The following PES1 variants were observed in gnomAD, a reference collection of about 807,000 sequenced individuals.
PES1 encodes pescadillo homolog.
In PES1, 31 loss-of-function variants were observed where a neutral mutation model predicts 77.1. The observed-to-expected ratio is 0.40, with a 90% CI of 0.30 to 0.54. The LOEUF (loss-of-function observed/expected upper bound fraction) is 0.54. Ranked by LOEUF, PES1 falls within the 20% of genes least tolerant of loss-of-function variation. The pLI is 0.45. For missense variants in PES1, 658 were observed against 771.7 expected (o/e 0.85, Z 1.75); for synonymous variants, 282 against 303.0 (o/e 0.93, Z 0.72).
intron 2 of PES1, chr22:30,598,439 A>T (rs966748708): frequency 6.6e-6 from 1 of 151,150 alleles, no homozygotes; most frequent in African/African-American, 2.4e-5. Context: ...AAAACCCGTA[A>T]AAAAAAAAAT....
In PES1 at chr22:30,580,698, T is replaced by A; in HGVS notation, c.916A>T (p.Met306Leu). The change falls in exon 10 of 15, where the codon ATG becomes TTG. Residue 306 changes from methionine to leucine, a missense_variant. Transcript: ENST00000354694. ...EVDEFPTDGE[M>L]SAQEEDRRKE... is the part of the protein sequence containing the mutation. The stretch of plus-strand genomic sequence containing the variant: ...CTGCGGTCTTCCTCCTGCGCTGACA[T>A]CTCCTGTTGAGAAAGGGGCCAGGCC... 6.2e-7 allele frequency: 1 copy of A among 1,613,078 alleles called. No homozygotes were observed. The highest frequency in any genetic ancestry group is 1.6e-4 in the Middle Eastern group (1 of 6,062).
At chr22:30,599,831 C>G (rs1480734546) in intron 2 of PES1, among the ~76,000 whole-genome samples, 1 of 152,048 alleles carries the variant, frequency 6.6e-6, no homozygotes, top group Non-Finnish European at 1.5e-5. Context: ...ACCTGGCAGG[C>G]AGAGGTTGCG....
chr22:30,606,977 C>G, exon 1 of PES1: 2 of 752,522 alleles, frequency 2.7e-6, no homozygotes, highest in Non-Finnish European at 3.6e-6. Flanking sequence ...CTTGACAGAT[C>G]AGGCATCAGG....
At chr22:30,577,553 C>T in intron 14 of PES1, among the ~76,000 whole-genome samples, 1 of 152,176 alleles carries the variant, frequency 6.6e-6, no homozygotes, top group East Asian at 1.9e-4. Flanking sequence ...CAGCCTGGAG[C>T]ACAGTGGCAC....
chr22:30,584,226 C>T (rs1252723428), intron 6 of PES1, 139 bp downstream of exon 6: 1 of 679,972 alleles, frequency 1.5e-6, no homozygotes, highest in Admixed American at 2.3e-5. Flanking sequence ...GTGGCACATT[C>T]TGCCGCGCCT....
intron 11 of PES1, 27 bp downstream of exon 11, chr22:30,580,026 T>C: frequency 6.2e-7 from 1 of 1,612,334 alleles, no homozygotes; most frequent in Non-Finnish European, 8.5e-7. Flanking sequence ...TACCCAGAAA[T>C]CCGGACGAGG....
chr22:30,585,263 C>T (rs923537567), intron 4 of PES1: 3 of 471,124 alleles, frequency 6.4e-6, no homozygotes, highest in Non-Finnish European at 1.3e-5. Flanking sequence ...CCAATGAGAC[C>T]CAGGGAATTG....
In PES1 at chr22:30,580,101, G is replaced by T; in HGVS notation, c.1121C>A (p.Thr374Asn). ...ATYDVTDSRI[T>N]HQIVDRPGQQ... ...CCCAGGCCGGTCGACAATCTGATGGGTGATGCGGGAGTCTGTGACGTCATA... is the reference window on the plus strand; with the variant it reads ...CCCAGGCCGGTCGACAATCTGATGGTTGATGCGGGAGTCTGTGACGTCATA... Residue 374 changes from threonine to asparagine, a missense_variant, in exon 11 of 15, where the codon ACC becomes AAC. By Grantham distance (65) the Thr-to-Asn change is moderately conservative. Transcript: ENST00000354694. 1 of 1,614,158 alleles carries T rather than the reference G, an allele frequency of 6.2e-7. No homozygotes were observed. Among genetic ancestry groups the T allele is most frequent in the Non-Finnish European group, 8.5e-7 (1 of 1,180,016 alleles).
intron 2 of PES1, among the ~76,000 whole-genome samples, chr22:30,601,278 T>TTATC (rs534123113): frequency 3.3e-4 from 50 of 152,192 alleles, no homozygotes; most frequent in Non-Finnish European, 6.5e-4. Context: ...CACATCCTCT[T>TTATC]TATCTCTCTT....
Position 30,579,788 on chromosome 22 carries a change from C to G in PES1, c.1317G>C (p.Lys439Asn). Residue 439 changes from lysine (K) to asparagine (N), a missense_variant, in exon 12 of 15, where the codon AAG (lysine) becomes AAC (asparagine). By Grantham distance (94) the Lys-to-Asn change is moderately conservative. Transcript: ENST00000354694. ...CCCGCTGCAGAGCCAGCAGCTTCAGCTTCTCAGGTGGAACGTAATCTCCTT... is the reference window on the plus strand; with the variant it reads ...CCCGCTGCAGAGCCAGCAGCTTCAGGTTCTCAGGTGGAACGTAATCTCCTT... ...EKEGDYVPPE[K>N]LKLLALQRGE... 1.2e-6 allele frequency: 2 copies of G among 1,614,000 alleles called. No homozygotes were observed. Among genetic ancestry groups the G allele is most frequent in the Non-Finnish European group, 1.7e-6 (2 of 1,180,030 alleles).
rs372239593 is a variant in PES1, at chr22:30,578,731, G to C, written c.1683+106C>G. 9 of 1,307,378 alleles carry C rather than the reference G, an allele frequency of 6.9e-6. No homozygotes were observed. The South Asian group carries it at 9.4e-5, about 14-fold the overall frequency. The allele number at this position is 1,307,378 out of a possible 1,614,324, so 81.0% of individuals were successfully genotyped here. A position where few individuals can be genotyped will look rare whatever the true frequency, so the allele number is the denominator to read the frequency against. ...GGCAGGCAACCTCAGGAAAAGGCTA[G>C]GAGAGCCTCAGTCTGCCTAGAGGAG... On this transcript the variant is annotated intron_variant, in intron 14 of 14. Transcript: ENST00000354694.
At chr22:30,589,104 T>C in intron 2 of PES1, 87 bp downstream of exon 2, 1 of 925,098 alleles carries the variant, frequency 1.1e-6, no homozygotes, top group Non-Finnish European at 1.7e-6. Flanking sequence ...CCAGAATGGG[T>C]ATGGCAACTC....
Position 30,582,418 on chromosome 22 carries a change from C to T in PES1, c.631-774G>A, listed in dbSNP as rs566000688. Among the ~76,000 whole-genome samples, 83 of 152,276 alleles carry T rather than the reference C, an allele frequency of 5.5e-4. No individual in the cohort carries two copies. The South Asian group carries it at 0.016, about 30-fold the overall frequency. ...CCAGCAGACAAAACTACTTTTTGCTCAGGGAAAAGGCACAGAGCTGTCATC... is the reference window on the plus strand; with the variant it reads ...CCAGCAGACAAAACTACTTTTTGCTTAGGGAAAAGGCACAGAGCTGTCATC... On this transcript the variant is annotated intron_variant, in intron 6 of 14. Coordinates refer to ENST00000354694, the MANE Select transcript of PES1 (RefSeq NM_014303.4).
chr22:30,588,065 A>G lies in PES1; in HGVS notation c.214T>C (p.Phe72Leu). 2 of 1,614,032 alleles carry G rather than the reference A, an allele frequency of 1.2e-6. No homozygotes were observed. Among genetic ancestry groups the G allele is most frequent in the Non-Finnish European group, 1.7e-6 (2 of 1,180,016 alleles). Residue 72 changes from phenylalanine (F) to leucine (L), a missense_variant, in exon 3 of 15, where the codon TTT becomes CTT. Phe to Leu is a conservative substitution (Grantham distance 22, BLOSUM62 0). Transcript: ENST00000354694. ...TTGACAATGGGTTCGTGGAGGAGAA[A>G]CCTGATGTCTTTGATAAGGTAAAAC... ...RTFYLIKDIRFLLHEPIVNKF... is the reference protein window; with the variant it reads ...RTFYLIKDIRLLLHEPIVNKF...
At chr22:30,589,121 G>T in intron 2 of PES1, 70 bp downstream of exon 2, 1 of 1,148,046 alleles carries the variant, frequency 8.7e-7, no homozygotes, top group Non-Finnish European at 1.3e-6. Flanking sequence ...ACTCAGGTAA[G>T]ACAGGGATGC....
At chr22:30,606,841 C>T in exon 1 of PES1, 4 of 1,011,372 alleles carry the variant, frequency 4.0e-6, no homozygotes, top group Non-Finnish European at 4.7e-6. Flanking sequence ...CCGTTCCACT[C>T]CTTGTCCTGG....
At position 30,584,574 on chromosome 22, in the gene PES1, T is replaced by C. The variant is rs761609754; in HGVS notation, c.512A>G (p.Tyr171Cys). 1.9e-6 allele frequency: 3 copies of C among 1,612,418 alleles called. No homozygotes were observed. The highest frequency in any genetic ancestry group is 2.2e-5 in the South Asian group (2 of 90,860). Residue 171 changes from tyrosine (Y) to cysteine (C), a missense_variant, in exon 5 of 15, where the codon TAC becomes TGC. Physicochemically the swap from Tyr to Cys is radical, Grantham distance 194 (BLOSUM62 -2). Coordinates refer to ENST00000354694, the MANE Select transcript of PES1 (RefSeq NM_014303.4). ...CRRLTVEFMH[Y>C]IIAARALRKV... ...GCGCAGGGCACGGGCAGCGATAATG[T>C]AGTGCATGAACTCCACAGTGAGCCG...
intron 5 of PES1, 39 bp from the exon 6 acceptor site, chr22:30,584,493 G>A (rs2087040194): frequency 3.1e-6 from 5 of 1,609,228 alleles, no homozygotes; most frequent in Non-Finnish European, 4.2e-6. Flanking sequence ...AAGACCATGG[G>A]GTGGCAGGAG....
chr22:30,602,164 C>G (rs981652874), intron 2 of PES1, among the ~76,000 whole-genome samples: 2 of 152,098 alleles, frequency 1.3e-5, no homozygotes, highest in Admixed American at 1.3e-4. Flanking sequence ...GAGGGAGACA[C>G]CTGGTGGGAG....
Sources: gnomAD v4.1 joint callset for allele counts (sites outside exome capture counted in the v4.1 genomes callset) on GRCh38, gnomAD v4.1.1 for gene constraint, MANE v1.5 for transcripts, NCBI Gene and HGNC (gene_info 2026-07-23, HGNC 2026-07-21) for gene names.